Variants in CDKAL1 observed in about 807,000 individuals in gnomAD.
CDKAL1 encodes CDKAL1 threonylcarbamoyladenosine tRNA methylthiotransferase.
Under a neutral mutation model 68.2 loss-of-function variants are expected in CDKAL1, and 32 were observed. That is an observed-to-expected ratio of 0.47 (90% CI 0.35 to 0.63). The LOEUF is 0.63. Ranked by LOEUF, CDKAL1 falls within the 30% of genes least tolerant of loss-of-function variation. The pLI is 0.00. For synonymous variants in CDKAL1, 234 were observed against 244.3 expected (o/e 0.96, Z 0.39); for missense variants, 606 against 696.7 (o/e 0.87, Z 1.47).
chr6:21,000,116 G>C, intron 10 of CDKAL1, 111 bp from the exon 11 acceptor site: 1 of 719,202 alleles, frequency 1.4e-6, no homozygotes, highest in Non-Finnish European at 2.3e-6. Context: ...TTGATGATTG[G>C]TCTGTTTTCA....
At chr6:20,929,882 G>C (rs11970030) in intron 9 of CDKAL1, among the ~76,000 whole-genome samples, 14,531 of 152,146 alleles carry the variant, frequency 0.096, 792 homozygotes, top group Non-Finnish European at 0.12. Context: ...CAGAGACTTA[G>C]CACATTATTT....
chr6:21,017,155 A>T (rs1374787524), intron 11 of CDKAL1, among the ~76,000 whole-genome samples: 1 of 152,144 alleles, frequency 6.6e-6, no homozygotes, highest in Non-Finnish European at 1.5e-5. Flanking sequence ...ACATTGCTCT[A>T]TTTGATTGCA....
chr6:20,992,769 G>C (rs1243855496), intron 10 of CDKAL1, among the ~76,000 whole-genome samples: 1 of 151,992 alleles, frequency 6.6e-6, no homozygotes, highest in Non-Finnish European at 1.5e-5. Context: ...TGGCGTGGTG[G>C]CATGTGCTTG....
At chr6:20,881,025 A>G (rs1292630864) in intron 9 of CDKAL1, among the ~76,000 whole-genome samples, 3 of 152,208 alleles carry the variant, frequency 2.0e-5, no homozygotes, top group Non-Finnish European at 4.4e-5. Context: ...ATGTGATCTA[A>G]TACAGTATCC....
chr6:20,893,540 AT>A (rs1288470948), intron 9 of CDKAL1, among the ~76,000 whole-genome samples: 1 of 152,130 alleles, frequency 6.6e-6, no homozygotes, highest in African/African-American at 2.4e-5. Context: ...TCATTGCATA[AT>A]TTTTTGTTCT....
intron 9 of CDKAL1, among the ~76,000 whole-genome samples, chr6:20,849,788 A>C (rs1758911362): frequency 6.6e-6 from 1 of 152,192 alleles, no homozygotes; most frequent in South Asian, 2.1e-4. Flanking sequence ...TTAGTATGAC[A>C]GTTACCTTTC....
At chr6:21,196,823 C>G (rs1338121353) in intron 13 of CDKAL1, among the ~76,000 whole-genome samples, 1 of 152,066 alleles carries the variant, frequency 6.6e-6, no homozygotes, top group Non-Finnish European at 1.5e-5. Flanking sequence ...TCATTCAGTA[C>G]AGTTGTTTTG....
chr6:20,584,578 C>T (rs1375245283), intron 4 of CDKAL1, among the ~76,000 whole-genome samples: 1 of 152,156 alleles, frequency 6.6e-6, no homozygotes, highest in African/African-American at 2.4e-5. Context: ...TGAGTGTTCA[C>T]AATTGAGAAC....
At chr6:21,112,484 C>T (rs985712267) in intron 13 of CDKAL1, among the ~76,000 whole-genome samples, 1 of 152,146 alleles carries the variant, frequency 6.6e-6, no homozygotes, top group Non-Finnish European at 1.5e-5. Flanking sequence ...GTGAAGTGGG[C>T]TTCTTGCTTT....
chr6:20,732,032 A>C (rs1252664931), intron 5 of CDKAL1, among the ~76,000 whole-genome samples: 1 of 150,688 alleles, frequency 6.6e-6, no homozygotes, highest in East Asian at 2.1e-4. Context: ...CTCTTTTTTT[A>C]AACATTATTT....
intron 5 of CDKAL1, among the ~76,000 whole-genome samples, chr6:20,721,296 CT>C (rs1214115094): frequency 1.3e-5 from 2 of 152,120 alleles, no homozygotes; most frequent in African/African-American, 4.8e-5. Context: ...TGAACTCATC[CT>C]TTTTTATGGC....
intron 11 of CDKAL1, among the ~76,000 whole-genome samples, chr6:21,003,040 A>C (rs1351884081): frequency 1.3e-5 from 2 of 151,822 alleles, no homozygotes; most frequent in Non-Finnish European, 2.9e-5. Context: ...TCAGAACCAT[A>C]AAATTGTGTA....
chr6:20,955,617 A>G (rs1467501022), intron 10 of CDKAL1, 32 bp downstream of exon 10: 2 of 1,601,960 alleles, frequency 1.2e-6, no homozygotes, highest in Admixed American at 3.3e-5. Flanking sequence ...GCATGCTAAC[A>G]TAGACACTAA....
chr6:20,910,788 T>G (rs1313207691), intron 9 of CDKAL1, among the ~76,000 whole-genome samples: 3 of 152,220 alleles, frequency 2.0e-5, no homozygotes, highest in African/African-American at 7.2e-5. Context: ...TCTAATACAA[T>G]CTGATTGATG....
chr6:21,220,510 G>A (rs1779500230), intron 15 of CDKAL1, among the ~76,000 whole-genome samples: 1 of 152,190 alleles, frequency 6.6e-6, no homozygotes, highest in Non-Finnish European at 1.5e-5. Flanking sequence ...TGGAATTGGA[G>A]AAGTTATGTA....
At chr6:21,190,966 AG>A (rs1778212818) in intron 13 of CDKAL1, among the ~76,000 whole-genome samples, 1 of 152,256 alleles carries the variant, frequency 6.6e-6, no homozygotes, top group Non-Finnish European at 1.5e-5. Flanking sequence ...AAGAAAAAAA[AG>A]TTATAAAGAG....
intron 8 of CDKAL1, among the ~76,000 whole-genome samples, chr6:20,840,778 A>T (rs759879346): frequency 6.6e-6 from 1 of 152,230 alleles, no homozygotes; most frequent in Non-Finnish European, 1.5e-5. Flanking sequence ...TGAAAGATCA[A>T]AAAGTAATTT....
intron 15 of CDKAL1, among the ~76,000 whole-genome samples, chr6:21,213,477 A>G (rs1225283000): frequency 6.6e-6 from 1 of 152,234 alleles, no homozygotes; most frequent in Non-Finnish European, 1.5e-5. Flanking sequence ...TACAGTCTTT[A>G]TAAGCAGCAA....
chr6:20,595,035 A>G (rs73386591), intron 4 of CDKAL1, among the ~76,000 whole-genome samples: 52,541 of 152,068 alleles, frequency 0.35, 9,549 homozygotes, highest in East Asian at 0.54. Flanking sequence ...TCTGCAAAGA[A>G]ATCCACTGTT....
Sources: allele counts gnomAD v4.1 joint callset (sites outside exome capture counted in the v4.1 genomes callset), GRCh38; gene constraint gnomAD v4.1.1; transcripts MANE v1.5; gene names NCBI Gene and HGNC (gene_info 2026-07-23, HGNC 2026-07-21).